NTRK2: variants seen among roughly 807,000 people sequenced by gnomAD.
NTRK2 encodes the protein BDNF/NT-3 growth factors receptor.
A neutral mutation model predicts 94.5 loss-of-function variants in NTRK2; 13 were observed. The observed-to-expected ratio is 0.14, with a 90% CI of 0.09 to 0.22. The LOEUF (loss-of-function observed/expected upper bound fraction) is 0.22. Among genes scored for constraint, NTRK2 ranks in the 10% least tolerant of loss-of-function variants. The probability of loss-of-function intolerance (pLI) is 1.00; values close to 1 mark genes in which losing one functional copy is unlikely to be tolerated. For synonymous variants in NTRK2, 372 were observed against 407.4 expected (o/e 0.91, Z 1.05); for missense variants, 639 against 1,071.2 (o/e 0.60, Z 5.63).
rs1554757546 is a variant in NTRK2 at position 84,870,320 on chromosome 9, G to GGGGTGT, written c.1633+2890_1633+2891insGGTGTG. Among the ~76,000 whole-genome samples, 25 of 46,344 alleles carry GGGGTGT rather than the reference G, an allele frequency of 5.4e-4. 1 individual carries two copies. The highest frequency in any genetic ancestry group is 1.2e-3 in the African/African-American group (17 of 13,760). 30.4% of individuals were successfully genotyped at this position (46,344 alleles called of 152,430 possible). A position where few individuals can be genotyped will look rare whatever the true frequency, so the allele number is the denominator to read the frequency against. ...TACATGTACATATACATATATGTGGGGTGTGTGTGTGTATATATATATATA... is the reference window on the plus strand; with the variant it reads ...TACATGTACATATACATATATGTGGGGGGTGTGTGTGTGTGTGTATATATATATATA... On this transcript the variant is annotated intron_variant, in intron 14 of 18. Transcript: ENST00000277120.
intron 17 of NTRK2, among the ~76,000 whole-genome samples, chr9:84,968,375 G>A (rs1451535262): frequency 2.0e-5 from 3 of 152,220 alleles, no homozygotes; most frequent in Non-Finnish European, 4.4e-5. Flanking sequence ...ATCTAGGACA[G>A]TGGCCCACTG....
chr9:84,675,323 C>CTTTTT (rs1564023863), intron 2 of NTRK2, among the ~76,000 whole-genome samples: 1 of 69,560 alleles, frequency 1.4e-5, no homozygotes, highest in African/African-American at 5.6e-5. Flanking sequence ...TTCTTTCTTT[C>CTTTTT]CTTTTTTTTT....
chr9:84,885,720 T>C (rs2076392673), intron 14 of NTRK2, among the ~76,000 whole-genome samples: 1 of 152,216 alleles, frequency 6.6e-6, no homozygotes, highest in South Asian at 2.1e-4. Context: ...GTTACTATCA[T>C]GTTTTCACCA....
At position 84,786,506 on chromosome 9, in the gene NTRK2, G is replaced by T. The variant is rs372523158; in HGVS notation, c.1396+34421G>T. Among the ~76,000 whole-genome samples, 5 of 152,168 alleles carry T rather than the reference G, an allele frequency of 3.3e-5. No individual in the cohort carries two copies. The East Asian group carries it at 9.7e-4, about 29-fold the overall frequency. ...TTCTTGTTGTTATTTTGATCCATCT[G>T]TCTCTACTTCTGGTTCCTTTTTGCT... is the stretch of plus-strand genomic sequence containing the variant. On this transcript the variant is annotated intron_variant, in intron 12 of 18. Transcript: ENST00000277120.
chr9:85,000,531 G>A (rs4501667), intron 17 of NTRK2, among the ~76,000 whole-genome samples: 111,073 of 152,020 alleles, frequency 0.73, 41,234 homozygotes, highest in African/African-American at 0.82. Flanking sequence ...GCCTTTTCAG[G>A]TTGGCTTCTT....
At chr9:84,815,509 T>C (rs202004260) in intron 12 of NTRK2, 17 of 1,016,496 alleles carry the variant, frequency 1.7e-5, no homozygotes, top group Non-Finnish European at 2.0e-5. Context: ...TGAATCATTC[T>C]CATGCCCTGT....
At chr9:84,983,344 C>A (rs1484398840) in intron 17 of NTRK2, among the ~76,000 whole-genome samples, 1 of 152,178 alleles carries the variant, frequency 6.6e-6, no homozygotes, top group Admixed American at 6.5e-5. Context: ...AACCACAGAG[C>A]ACCTCTTGTT....
chr9:84,972,276 G>A (rs1462972276), intron 17 of NTRK2, among the ~76,000 whole-genome samples: 1 of 152,214 alleles, frequency 6.6e-6, no homozygotes, highest in African/African-American at 2.4e-5. Context: ...ATGTAAAGAG[G>A]AACTAAGAAC....
chr9:84,767,097 CT>C (rs2066108443), intron 12 of NTRK2, among the ~76,000 whole-genome samples: 1 of 152,154 alleles, frequency 6.6e-6, no homozygotes, highest in South Asian at 2.1e-4. Context: ...TCTTGAAATT[CT>C]TCTCATCTTC....
intron 17 of NTRK2, among the ~76,000 whole-genome samples, chr9:84,958,475 C>A (rs377353671): frequency 1.3e-5 from 2 of 152,214 alleles, no homozygotes; most frequent in East Asian, 1.9e-4. Flanking sequence ...GGAAGAATAA[C>A]GATTCCCAGT....
intron 12 of NTRK2, among the ~76,000 whole-genome samples, chr9:84,854,514 A>G (rs749206775): frequency 9.2e-5 from 14 of 152,134 alleles, no homozygotes; most frequent in Non-Finnish European, 1.9e-4. Context: ...AAGGTCACAT[A>G]TGGGTACCTA....
intron 12 of NTRK2, among the ~76,000 whole-genome samples, chr9:84,817,516 T>C (rs2072504178): frequency 6.6e-6 from 1 of 152,270 alleles, no homozygotes; most frequent in Non-Finnish European, 1.5e-5. Flanking sequence ...GATGGTCTGT[T>C]ATTTGCAAAT....
At chr9:84,775,844 C>A (rs2066976565) in intron 12 of NTRK2, among the ~76,000 whole-genome samples, 1 of 152,136 alleles carries the variant, frequency 6.6e-6, no homozygotes, top group East Asian at 1.9e-4. Flanking sequence ...TCATCCCAGA[C>A]CTACTGAATT....
At chr9:84,808,364 T>A (rs112837959) in intron 12 of NTRK2, among the ~76,000 whole-genome samples, 4,993 of 152,274 alleles carry the variant, frequency 0.033, 147 homozygotes, top group Admixed American at 0.083. Context: ...CATAAACCCA[T>A]TGGAAATAAG....
At chr9:84,756,076 G>A (rs896907512) in intron 12 of NTRK2, among the ~76,000 whole-genome samples, 2 of 152,150 alleles carry the variant, frequency 1.3e-5, no homozygotes, top group Admixed American at 1.3e-4. Flanking sequence ...TGTTTAATAT[G>A]TATGAATAAA....
intron 12 of NTRK2, among the ~76,000 whole-genome samples, chr9:84,777,537 G>C (rs2067168241): frequency 6.6e-6 from 1 of 152,174 alleles, no homozygotes; most frequent in Admixed American, 6.5e-5. Context: ...CAAAGAACAA[G>C]AGAGTTTGGA....
At chr9:84,949,097 G>A (rs1462560392) in intron 16 of NTRK2, among the ~76,000 whole-genome samples, 1 of 152,182 alleles carries the variant, frequency 6.6e-6, no homozygotes, top group African/African-American at 2.4e-5. Context: ...AAAACAGCTG[G>A]AGGAGTCAAG....
intron 14 of NTRK2, among the ~76,000 whole-genome samples, chr9:84,902,099 G>A (rs2076946363): frequency 1.3e-5 from 2 of 151,810 alleles, no homozygotes; most frequent in Admixed American, 1.3e-4. Context: ...AGAAGGTTGA[G>A]GCAGGAGAAT....
At chr9:84,725,367 C>T (rs1384452562) in intron 8 of NTRK2, among the ~76,000 whole-genome samples, 1 of 152,130 alleles carries the variant, frequency 6.6e-6, no homozygotes, top group Admixed American at 6.6e-5. Context: ...ATCATTTTGA[C>T]CCACTCAGAA....
Sources: allele counts gnomAD v4.1 joint callset (sites outside exome capture counted in the v4.1 genomes callset), GRCh38; gene constraint gnomAD v4.1.1; transcripts MANE v1.5; gene names NCBI Gene and HGNC (gene_info 2026-07-23, HGNC 2026-07-21).